DNAJC13: variants seen among roughly 807,000 people sequenced by gnomAD.
DNAJC13 encodes the protein dnaJ homolog subfamily C member 13.
DNAJC13 carries 75 observed loss-of-function variants against 290.5 expected under a neutral mutation model. That is an observed-to-expected ratio of 0.26 (90% confidence interval 0.21 to 0.31). The LOEUF (loss-of-function observed/expected upper bound fraction) is 0.31, where lower values mean the gene tolerates loss of function less well. DNAJC13 is among the 10% of genes least tolerant of loss of function. The pLI is 1.00. For synonymous variants in DNAJC13, 862 were observed against 892.0 expected, an observed-to-expected ratio of 0.97 and a Z score of 0.60; for missense variants, 2,260 against 2,674.5, an observed-to-expected ratio of 0.85 and a Z score of 3.42.
intron 39 of DNAJC13, among the ~76,000 whole-genome samples, chr3:132,501,998 A>G (rs1365769334): frequency 6.6e-6 from 1 of 152,186 alleles, no homozygotes; most frequent in Non-Finnish European, 1.5e-5. Flanking sequence ...CCATGTCACT[A>G]TTTTTAAAAA....
At position 132,484,609 on chromosome 3, in the gene DNAJC13, T is replaced by G; in HGVS notation, c.3204T>G (p.Ile1068Met). ...FPSRDQDNAI[I>M]RPLPKVKRLL... ...CTAGGGATCAAGACAATGCCATCATTCGGCCTCTACCCAAAGTGAAAAGAC... is the reference window on the plus strand; with the variant it reads ...CTAGGGATCAAGACAATGCCATCATGCGGCCTCTACCCAAAGTGAAAAGAC... The change falls in exon 29 of 56, where the codon ATT becomes ATG. Residue 1068 changes from isoleucine (I) to methionine (M), a missense_variant. By Grantham distance (10) the Ile-to-Met change is conservative. Transcript: ENST00000260818. 6.2e-7 allele frequency: 1 copy of G among 1,614,118 alleles called. No homozygotes were observed. The highest frequency in any genetic ancestry group is 8.5e-7 in the Non-Finnish European group (1 of 1,179,974).
At chr3:132,481,680 G>T (rs181971822) in intron 26 of DNAJC13, among the ~76,000 whole-genome samples, 343 of 152,294 alleles carry the variant, frequency 2.3e-3, no homozygotes, top group Middle Eastern at 3.4e-3. Flanking sequence ...AGAGAACATT[G>T]TAAGAATTAT....
chr3:132,461,074 A>G lies in DNAJC13; in HGVS notation c.1582A>G (p.Ile528Val). ...HVDHGTGALV[I>V]SSLLDFLTFA... is the part of the protein sequence containing the mutation. ...GGATCATGGGACTGGTGCCCTAGTT[A>G]TTAGTTCGCTCTTGGACTTCCTTAC... Residue 528 changes from isoleucine (I) to valine (V), a missense_variant, in exon 15 of 56, where the codon ATT (isoleucine) becomes GTT (valine). Transcript: ENST00000260818. The G allele has an allele frequency of 6.2e-7, 1 of 1,614,024 alleles. No individual in the cohort carries two copies. The highest frequency in any genetic ancestry group is 8.5e-7 in the Non-Finnish European group (1 of 1,179,948).
At chr3:132,471,189 G>A (rs573592493) in intron 20 of DNAJC13, among the ~76,000 whole-genome samples, 11 of 133,616 alleles carry the variant, frequency 8.2e-5, no homozygotes, top group African/African-American at 1.7e-4. Flanking sequence ...CAGTAGGGGC[G>A]GCCGGGCAGA....
At chr3:132,525,890 C>T (rs1222113388) in intron 52 of DNAJC13, 101 bp downstream of exon 52, 3 of 1,367,538 alleles carry the variant, frequency 2.2e-6, no homozygotes, top group East Asian at 4.7e-5. Flanking sequence ...CCCTTTCTGC[C>T]ATGTGTCTTT....
Position 132,442,835 on chromosome 3 carries a change from A to G in DNAJC13, c.69-3640A>G, listed in dbSNP as rs560784888. 2.6e-5 allele frequency among the ~76,000 whole-genome samples: 4 copies of G among 152,276 alleles called. No individual in the cohort carries two copies. The South Asian group carries it at 8.3e-4, about 32-fold the overall frequency. ...AGGTGCAGTAGGTAAAGTCAATATG[A>G]ATATTAATTTTTCAGTTAGGGGGCA... On this transcript the variant is annotated intron_variant, in intron 2 of 55. Coordinates refer to ENST00000260818, the MANE Select transcript of DNAJC13 (RefSeq NM_015268.4).
At chr3:132,511,756 T>C (rs969170919) in intron 44 of DNAJC13, among the ~76,000 whole-genome samples, 9 of 152,164 alleles carry the variant, frequency 5.9e-5, no homozygotes, top group Non-Finnish European at 1.3e-4. Flanking sequence ...TACTCTAGCC[T>C]GACTCCAGGG....
intron 44 of DNAJC13, among the ~76,000 whole-genome samples, chr3:132,512,667 G>C (rs1935812298): frequency 1.3e-5 from 2 of 152,114 alleles, no homozygotes; most frequent in Middle Eastern, 3.2e-3. Flanking sequence ...TAGGTTGAGG[G>C]GGGTAACCCT....
rs934019764 is a variant in DNAJC13 at position 132,492,338 on chromosome 3, T to C, written c.3624-76T>C. ...CTATAGATGATTCATGTAACTATCT[T>C]ACATGATTATGTATCTCAACCTTCT... On this transcript the variant is annotated intron_variant, in intron 32 of 55. Transcript: ENST00000260818. 4 of 1,417,804 alleles carry C rather than the reference T, an allele frequency of 2.8e-6. No homozygotes were observed. The Admixed American group carries it at 7.2e-5, about 26-fold the overall frequency. 87.8% of individuals were successfully genotyped at this position (1,417,804 alleles called of 1,614,324 possible). A position where few individuals can be genotyped will look rare whatever the true frequency, so the allele number is the denominator to read the frequency against.
chr3:132,447,163 AAG>A (rs2107660949), intron 3 of DNAJC13, among the ~76,000 whole-genome samples, 156 bp from the exon 4 acceptor site: 1 of 152,274 alleles, frequency 6.6e-6, no homozygotes, highest in African/African-American at 2.4e-5. Context: ...AAACCTTTAA[AAG>A]AATTTTTTAC....
intron 28 of DNAJC13, chr3:132,484,312 A>G (rs1934780913): frequency 4.0e-6 from 2 of 494,136 alleles, no homozygotes; most frequent in South Asian, 3.5e-5. Flanking sequence ...GTGTTGAACA[A>G]CACCAAGTTT....
rs983755126 is a variant in DNAJC13, at chr3:132,510,563, G to A, written c.5116-504G>A. On this transcript the variant is annotated intron_variant, in intron 43 of 55. Coordinates refer to ENST00000260818, the MANE Select transcript of DNAJC13 (RefSeq NM_015268.4). ...AGAGGATTTGGTGGTTGATTTGTTTGTAAAAAGGAAAGAAGTGAGGCTTTG... is the reference window on the plus strand; with the variant it reads ...AGAGGATTTGGTGGTTGATTTGTTTATAAAAAGGAAAGAAGTGAGGCTTTG... Among the ~76,000 whole-genome samples, 3 of 152,036 alleles carry A rather than the reference G, an allele frequency of 2.0e-5. No individual in the cohort carries two copies. The East Asian group carries it at 5.8e-4, about 29-fold the overall frequency.
chr3:132,469,518 T>C (rs1392978995), intron 20 of DNAJC13, among the ~76,000 whole-genome samples: 3 of 152,202 alleles, frequency 2.0e-5, no homozygotes, highest in African/African-American at 7.2e-5. Context: ...ATGGAGAGCT[T>C]TTTGTCCTTT....
At chr3:132,488,074 G>A (rs1934939902) in intron 29 of DNAJC13, among the ~76,000 whole-genome samples, 1 of 152,102 alleles carries the variant, frequency 6.6e-6, no homozygotes, top group South Asian at 2.1e-4. Context: ...GGGCTTTTCT[G>A]AATACATTTT....
chr3:132,532,721 A>AC (rs199514119), intron 55 of DNAJC13, among the ~76,000 whole-genome samples: 1,940 of 151,022 alleles, frequency 0.013, 39 homozygotes, highest in African/African-American at 0.044. Flanking sequence ...ATTGAAAAAA[A>AC]AATCTGCCTT....
intron 1 of DNAJC13, among the ~76,000 whole-genome samples, chr3:132,418,392 G>A (rs1938860744): frequency 6.6e-6 from 1 of 152,134 alleles, no homozygotes; most frequent in Non-Finnish European, 1.5e-5. Flanking sequence ...GGACTTAGAC[G>A]CTCAGTGAAG....
intron 8 of DNAJC13, 126 bp downstream of exon 8, chr3:132,453,820 CTT>C (rs1386437452): frequency 9.8e-5 from 80 of 816,562 alleles, no homozygotes; most frequent in East Asian, 1.3e-4. Context: ...GTATTTAACT[CTT>C]AACATATTTA....
chr3:132,449,248 T>C (rs1933348719), intron 5 of DNAJC13, among the ~76,000 whole-genome samples: 1 of 151,886 alleles, frequency 6.6e-6, no homozygotes, highest in Admixed American at 6.6e-5. Flanking sequence ...GATATACTTC[T>C]AAATCAGGGT....
At chr3:132,534,882 G>A (rs1936543481) in intron 55 of DNAJC13, among the ~76,000 whole-genome samples, 1 of 152,136 alleles carries the variant, frequency 6.6e-6, no homozygotes, top group Admixed American at 6.5e-5. Flanking sequence ...TTGATGTATT[G>A]TGTATCATGT....
Sources: allele counts gnomAD v4.1 joint callset (sites outside exome capture counted in the v4.1 genomes callset), GRCh38; gene constraint gnomAD v4.1.1; transcripts MANE v1.5; gene names NCBI Gene and HGNC (gene_info 2026-07-23, HGNC 2026-07-21).